Variants in AFG1L observed in about 807,000 individuals in gnomAD.
AFG1L encodes AFG1-like ATPase.
In AFG1L, 53 loss-of-function variants were observed where a neutral mutation model predicts 62.2. That is an observed-to-expected ratio of 0.85 (90% CI 0.68 to 1.07). AFG1L has a LOEUF of 1.07. Among genes scored for constraint, AFG1L ranks in the 50% least tolerant of loss-of-function variants. The pLI is 0.00. For synonymous variants in AFG1L, 228 were observed against 210.3 expected (o/e 1.08, Z -0.73); for missense variants, 555 against 590.5 (o/e 0.94, Z 0.62).
chr6:108,471,182 G>T (rs957497632), intron 8 of AFG1L, among the ~76,000 whole-genome samples: 31 of 152,260 alleles, frequency 2.0e-4, no homozygotes, highest in African/African-American at 7.2e-4. Context: ...GTGAATGTGA[G>T]TGAATCTTTC....
intron 2 of AFG1L, among the ~76,000 whole-genome samples, chr6:108,328,384 A>G (rs1778139923): frequency 6.6e-6 from 1 of 151,734 alleles, no homozygotes; most frequent in Non-Finnish European, 1.5e-5. Flanking sequence ...TTCCTTTTGG[A>G]AATATATTCC....
At chr6:108,494,123 C>G (rs1246708987) in intron 10 of AFG1L, among the ~76,000 whole-genome samples, 1 of 152,006 alleles carries the variant, frequency 6.6e-6, no homozygotes, top group Non-Finnish European at 1.5e-5. Flanking sequence ...CACCTGGCGT[C>G]ACATTTTCAT....
intron 7 of AFG1L, among the ~76,000 whole-genome samples, chr6:108,402,287 A>AC (rs1239864274): frequency 1.3e-5 from 2 of 151,860 alleles, no homozygotes; most frequent in Non-Finnish European, 2.9e-5. Context: ...ACATGGTGAA[A>AC]CCCCGTCTCT....
chr6:108,318,277 C>A, intron 1 of AFG1L: 1 of 310,668 alleles, frequency 3.2e-6, no homozygotes, highest in Non-Finnish European at 5.8e-6. Flanking sequence ...GGCTAAAACA[C>A]AAAGAAGACT....
chr6:108,422,497 A>AAAG (rs1196041463), intron 7 of AFG1L, among the ~76,000 whole-genome samples: 94 of 147,762 alleles, frequency 6.4e-4, no homozygotes, highest in African/African-American at 1.4e-3. Flanking sequence ...AAAAAAAAAA[A>AAAG]AAGAAGAAGA....
intron 1 of AFG1L, among the ~76,000 whole-genome samples, chr6:108,309,862 A>C (rs948087120): frequency 6.6e-6 from 1 of 152,230 alleles, no homozygotes; most frequent in Non-Finnish European, 1.5e-5. Flanking sequence ...CTTGATGTCA[A>C]CATCTCTCAG....
intron 6 of AFG1L, among the ~76,000 whole-genome samples, chr6:108,375,811 G>T (rs1434670671): frequency 6.6e-6 from 1 of 152,068 alleles, no homozygotes; most frequent in African/African-American, 2.4e-5. Flanking sequence ...TTTGGTACTA[G>T]GGTGATACTG....
Position 108,523,798 on chromosome 6 carries a change from C to G in AFG1L, c.*1373C>G, listed in dbSNP as rs926861512. On this transcript the variant is annotated 3_prime_UTR_variant, in exon 13 of 13. Coordinates refer to ENST00000368977, the MANE Select transcript of AFG1L (RefSeq NM_145315.5). The stretch of plus-strand genomic sequence containing the variant: ...CAGGTAGATGGATGAGTACCCAAGC[C>G]GAGAGAAGAGTTTAAATCAAGCCTT... 1.3e-5 allele frequency: 2 copies of G among 151,884 alleles called. No homozygotes were observed. The highest frequency in any genetic ancestry group is 2.4e-5 in the African/African-American group (1 of 41,404). The allele number at this position is 151,884 out of a possible 1,614,324, so 9.4% of individuals were successfully genotyped here.
At chr6:108,450,270 C>G (rs1582606354) in intron 8 of AFG1L, among the ~76,000 whole-genome samples, 1 of 152,276 alleles carries the variant, frequency 6.6e-6, no homozygotes, top group East Asian at 1.9e-4. Flanking sequence ...CCTGTTGTTT[C>G]CTGACTTTTT....
intron 6 of AFG1L, chr6:108,387,604 G>A (rs532444530): frequency 1.3e-5 from 2 of 152,312 alleles, no homozygotes; most frequent in Admixed American, 6.5e-5. Flanking sequence ...TCTAAGATCA[G>A]TTCAACAACC....
At chr6:108,471,829 T>C (rs1228311235) in intron 8 of AFG1L, among the ~76,000 whole-genome samples, 2 of 152,184 alleles carry the variant, frequency 1.3e-5, no homozygotes, top group South Asian at 4.1e-4. Context: ...TCTTGCCTTC[T>C]TGCTTCATTC....
chr6:108,416,471 A>G (rs570916748), intron 7 of AFG1L, among the ~76,000 whole-genome samples: 1 of 152,348 alleles, frequency 6.6e-6, no homozygotes, highest in South Asian at 2.1e-4. Flanking sequence ...AGACACATGC[A>G]CACATATGTT....
At chr6:108,360,854 C>G (rs1382270345) in intron 5 of AFG1L, among the ~76,000 whole-genome samples, 9 of 152,178 alleles carry the variant, frequency 5.9e-5, no homozygotes, top group Non-Finnish European at 1.2e-4. Context: ...AAATATACTC[C>G]AAAATGTTGC....
intron 7 of AFG1L, among the ~76,000 whole-genome samples, chr6:108,425,155 G>A (rs1356670410): frequency 6.6e-6 from 1 of 152,146 alleles, no homozygotes; most frequent in Non-Finnish European, 1.5e-5. Context: ...GAAAGGGATG[G>A]CACTCTAGGT....
intron 6 of AFG1L, among the ~76,000 whole-genome samples, chr6:108,392,965 T>C (rs1781124731): frequency 1.3e-5 from 2 of 152,270 alleles, no homozygotes; most frequent in Admixed American, 1.3e-4. Context: ...TAGGTACTTG[T>C]AATTACTTTA....
At chr6:108,339,259 G>A (rs1778587487) in intron 2 of AFG1L, among the ~76,000 whole-genome samples, 1 of 150,182 alleles carries the variant, frequency 6.7e-6, no homozygotes, top group African/African-American at 2.5e-5. Flanking sequence ...TTGTGCCTCA[G>A]CCTCTCGAGT....
chr6:108,384,815 G>A (rs1004009216), intron 6 of AFG1L, among the ~76,000 whole-genome samples: 1 of 152,050 alleles, frequency 6.6e-6, no homozygotes, highest in African/African-American at 2.4e-5. Context: ...AAATTCACTT[G>A]ATGGGCTTAA....
At chr6:108,298,180 A>G (rs1776843183) in intron 1 of AFG1L, among the ~76,000 whole-genome samples, 1 of 151,996 alleles carries the variant, frequency 6.6e-6, no homozygotes, top group Non-Finnish European at 1.5e-5. Context: ...CATTAATAAC[A>G]TATTGTACCA....
intron 6 of AFG1L, among the ~76,000 whole-genome samples, chr6:108,385,682 A>G (rs1780732621): frequency 6.6e-6 from 1 of 152,158 alleles, no homozygotes; most frequent in African/African-American, 2.4e-5. Flanking sequence ...GGGTCTCCAC[A>G]AGCGAGCTGG....
Sources: gnomAD v4.1 joint callset for allele counts (sites outside exome capture counted in the v4.1 genomes callset) on GRCh38, gnomAD v4.1.1 for gene constraint, MANE v1.5 for transcripts, NCBI Gene and HGNC (gene_info 2026-07-23, HGNC 2026-07-21) for gene names.